Variants in SGCZ observed in about 807,000 individuals in gnomAD.
The protein encoded by SGCZ is zeta-sarcoglycan.
SGCZ carries 40 observed loss-of-function variants against 41.3 expected under a neutral mutation model. The observed-to-expected ratio is 0.97, with a 90% CI of 0.75 to 1.26. The LOEUF is 1.26. Among genes scored for constraint, SGCZ ranks in the 50% most tolerant of loss-of-function variants. The probability of loss-of-function intolerance (pLI) is 0.00; values close to 1 mark genes in which losing one functional copy is unlikely to be tolerated. For missense variants in SGCZ, 552 were observed against 369.8 expected (o/e 1.49, Z -4.04); for synonymous variants, 206 against 137.5 (o/e 1.50, Z -3.49).
intron 2 of SGCZ, among the ~76,000 whole-genome samples, chr8:14,552,534 T>G (rs913083746): frequency 6.7e-6 from 1 of 150,288 alleles, no homozygotes; most frequent in Non-Finnish European, 1.5e-5. Flanking sequence ...CGTAAAAAAA[T>G]AAATAAATAA....
intron 1 of SGCZ, among the ~76,000 whole-genome samples, chr8:14,884,233 C>A (rs1443097375): frequency 1.3e-5 from 2 of 152,102 alleles, no homozygotes; most frequent in South Asian, 2.1e-4. Flanking sequence ...TGAGAATGTG[C>A]AATGCATATC....
chr8:14,160,044 G>A (rs1280979488), intron 5 of SGCZ, among the ~76,000 whole-genome samples: 2 of 152,132 alleles, frequency 1.3e-5, no homozygotes, highest in East Asian at 3.9e-4. Context: ...AAACGCTAGG[G>A]CACTGGGTAG....
At chr8:14,701,240 G>C (rs1243853649) in intron 1 of SGCZ, among the ~76,000 whole-genome samples, 1 of 151,924 alleles carries the variant, frequency 6.6e-6, no homozygotes, top group Non-Finnish European at 1.5e-5. Context: ...CAACAGTCAA[G>C]TCTTTACAGG....
intron 1 of SGCZ, among the ~76,000 whole-genome samples, chr8:14,773,261 C>T (rs1410214784): frequency 6.6e-6 from 1 of 152,106 alleles, no homozygotes. Context: ...TTTCAAAGAA[C>T]ATAATGGACT....
At chr8:14,442,828 T>C (rs1358290568) in intron 2 of SGCZ, among the ~76,000 whole-genome samples, 2 of 152,208 alleles carry the variant, frequency 1.3e-5, no homozygotes, top group East Asian at 3.8e-4. Flanking sequence ...TTTTGTATCA[T>C]TATCTTTAAG....
At chr8:15,200,951 C>G (rs1280162589) in intron 1 of SGCZ, among the ~76,000 whole-genome samples, 1 of 152,168 alleles carries the variant, frequency 6.6e-6, no homozygotes, top group African/African-American at 2.4e-5. Flanking sequence ...CCCTTTGAAT[C>G]TCTATTTTCA....
chr8:14,125,689 G>T (rs1022426623), intron 5 of SGCZ, among the ~76,000 whole-genome samples: 2 of 152,076 alleles, frequency 1.3e-5, no homozygotes, highest in Non-Finnish European at 2.9e-5. Flanking sequence ...TAAGCAAAAA[G>T]GACAAAGCTG....
At chr8:14,856,093 T>C (rs947949649) in intron 1 of SGCZ, among the ~76,000 whole-genome samples, 10 of 152,260 alleles carry the variant, frequency 6.6e-5, no homozygotes, top group African/African-American at 1.9e-4. Flanking sequence ...ATAAAACATA[T>C]AATATTTAGG....
intron 1 of SGCZ, among the ~76,000 whole-genome samples, chr8:14,768,690 C>G (rs892583222): frequency 3.9e-5 from 6 of 152,046 alleles, no homozygotes; most frequent in Non-Finnish European, 8.8e-5. Flanking sequence ...TCAAGAGATG[C>G]GGGAGTATGA....
intron 1 of SGCZ, among the ~76,000 whole-genome samples, chr8:15,229,624 A>G (rs921500258): frequency 1.3e-5 from 2 of 152,318 alleles, no homozygotes; most frequent in African/African-American, 4.8e-5. Context: ...ATGATTCAAG[A>G]AATCTTGAGG....
intron 1 of SGCZ, among the ~76,000 whole-genome samples, chr8:14,998,803 T>C (rs1802309248): frequency 6.6e-6 from 1 of 152,218 alleles, no homozygotes; most frequent in Non-Finnish European, 1.5e-5. Flanking sequence ...GGTCTATATA[T>C]AACTATTTAT....
intron 3 of SGCZ, among the ~76,000 whole-genome samples, chr8:14,261,041 T>C (rs1799647504): frequency 6.6e-6 from 1 of 152,102 alleles, no homozygotes; most frequent in South Asian, 2.1e-4. Flanking sequence ...GGCACATGTA[T>C]ACGTATGTAA....
chr8:14,186,559 C>T (rs1339049624), intron 4 of SGCZ, among the ~76,000 whole-genome samples: 1 of 152,186 alleles, frequency 6.6e-6, no homozygotes, highest in Non-Finnish European at 1.5e-5. Context: ...TCCCCAACCC[C>T]TACTATAACA....
At chr8:14,809,457 A>C (rs977645285) in intron 1 of SGCZ, among the ~76,000 whole-genome samples, 1 of 152,144 alleles carries the variant, frequency 6.6e-6, no homozygotes, top group Non-Finnish European at 1.5e-5. Context: ...AGTGTCCTGA[A>C]GACAAATCCA....
intron 1 of SGCZ, among the ~76,000 whole-genome samples, chr8:15,192,769 A>G (rs932498872): frequency 2.6e-5 from 4 of 152,104 alleles, no homozygotes; most frequent in Non-Finnish European, 2.9e-5. Context: ...AATCTGAGAG[A>G]GAATTTTGAG....
chr8:14,472,610 G>A (rs1801245002), intron 2 of SGCZ, among the ~76,000 whole-genome samples: 1 of 152,002 alleles, frequency 6.6e-6, no homozygotes, highest in Non-Finnish European at 1.5e-5. Context: ...AGCGTGCAGT[G>A]GTAAATGTTT....
chr8:14,754,535 A>G (rs1365146580), intron 1 of SGCZ, among the ~76,000 whole-genome samples: 1 of 152,194 alleles, frequency 6.6e-6, no homozygotes, highest in African/African-American at 2.4e-5. Flanking sequence ...TCATTTACAC[A>G]TATATTATAG....
At position 14,515,898 on chromosome 8, in the gene SGCZ, G is replaced by A. The variant is rs1020937717; in HGVS notation, c.234+38834C>T. Among the ~76,000 whole-genome samples, 5 of 152,090 alleles carry A rather than the reference G, an allele frequency of 3.3e-5. No homozygotes were observed. The East Asian group carries it at 5.8e-4, about 18-fold the overall frequency. On this transcript the variant is annotated intron_variant, in intron 2 of 7. Coordinates refer to ENST00000382080, the MANE Select transcript of SGCZ (RefSeq NM_139167.4). ...AATGATTTTGAGTATATTTCAATAC[G>A]TTGTTATATCATCTTTTACTTTTCA...
At chr8:15,225,469 G>C (rs549261832) in intron 1 of SGCZ, among the ~76,000 whole-genome samples, 3 of 152,308 alleles carry the variant, frequency 2.0e-5, no homozygotes, top group Admixed American at 6.5e-5. Flanking sequence ...GTTCATTGAA[G>C]TTATGGTACC....
Sources: gnomAD v4.1 joint callset for allele counts (sites outside exome capture counted in the v4.1 genomes callset) on GRCh38, gnomAD v4.1.1 for gene constraint, MANE v1.5 for transcripts, NCBI Gene and HGNC (gene_info 2026-07-23, HGNC 2026-07-21) for gene names.